Variants in KLF3 observed in about 807,000 individuals in gnomAD.
The protein encoded by KLF3 is Krueppel-like factor 3.
Under a neutral mutation model 32.7 loss-of-function variants are expected in KLF3, and 6 were observed. That is an observed-to-expected ratio of 0.18 (90% CI 0.10 to 0.36). KLF3 has a LOEUF of 0.36. KLF3 is among the 10% of genes least tolerant of loss of function. The pLI is 1.00. For missense variants in KLF3, 338 were observed against 449.7 expected, an observed-to-expected ratio of 0.75 and a Z score of 2.25; for synonymous variants, 145 against 172.8, an observed-to-expected ratio of 0.84 and a Z score of 1.26.
At chr4:38,676,353 A>G (rs1363132155) in intron 1 of KLF3, among the ~76,000 whole-genome samples, 1 of 152,188 alleles carries the variant, frequency 6.6e-6, no homozygotes, top group Non-Finnish European at 1.5e-5. Context: ...AGGCAGAAGA[A>G]TCCCTTGAAC....
At chr4:38,680,836 A>G (rs1408515457) in intron 2 of KLF3, 154 bp downstream of exon 2, 1 of 550,408 alleles carries the variant, frequency 1.8e-6, no homozygotes, top group Non-Finnish European at 3.4e-6. Context: ...GGATCACCTG[A>G]GGTCGGGAGT....
chr4:38,680,294 A>G (rs1245180893), intron 1 of KLF3, among the ~76,000 whole-genome samples: 1 of 151,822 alleles, frequency 6.6e-6, no homozygotes, highest in Non-Finnish European at 1.5e-5. Context: ...GCTCACTGCA[A>G]CCTCCGCCTC....
At chr4:38,692,716 G>A (rs1387073220) in intron 4 of KLF3, among the ~76,000 whole-genome samples, 2 of 152,022 alleles carry the variant, frequency 1.3e-5, no homozygotes, top group Admixed American at 1.3e-4. Flanking sequence ...CAACTGGAAA[G>A]GGCAGTCAGA....
intron 2 of KLF3, among the ~76,000 whole-genome samples, chr4:38,683,991 G>A (rs6838640): frequency 0.022 from 3,276 of 152,236 alleles, 117 homozygotes; most frequent in South Asian, 0.088. Flanking sequence ...CACGCACCAT[G>A]CCTTCCTGTG....
At position 38,688,793 on chromosome 4, in the gene KLF3, G is replaced by A. The variant is rs761153626; in HGVS notation, c.266G>A (p.Arg89Gln). ...PSSLKFPSSH[R>Q]RASPGLSMPS... ...TCTCTGAAGTTCCCGTCCTCACACC[G>A]GAGAGCCTCGCCTGGGTTGAGCATG... The change falls in exon 3 of 6, where the codon CGG (arginine) becomes CAG (glutamine). Residue 89 changes from arginine to glutamine, a missense_variant. Arg to Gln is a conservative substitution (Grantham distance 43). Coordinates refer to ENST00000261438, the MANE Select transcript of KLF3 (RefSeq NM_016531.6). The surrounding 1 kb of genome is among the most constrained non-coding windows in gnomAD (Gnocchi z 4.9). 3.9e-5 allele frequency: 63 copies of A among 1,614,078 alleles called. No homozygotes were observed. The highest frequency in any genetic ancestry group is 3.3e-4 in the Middle Eastern group (2 of 6,084).
chr4:38,682,482 T>C (rs1424218492), intron 2 of KLF3, among the ~76,000 whole-genome samples: 1 of 152,254 alleles, frequency 6.6e-6, no homozygotes, highest in Non-Finnish European at 1.5e-5. Flanking sequence ...CCATTAGTTA[T>C]ATTCTTGAAA....
chr4:38,666,136 A>G (rs965947400), intron 1 of KLF3, among the ~76,000 whole-genome samples: 22 of 152,222 alleles, frequency 1.4e-4, no homozygotes, highest in Non-Finnish European at 2.6e-4. Flanking sequence ...AACCTAATGT[A>G]CTATCGGTAA....
At chr4:38,686,171 G>C (rs986979669) in intron 2 of KLF3, among the ~76,000 whole-genome samples, 1 of 151,910 alleles carries the variant, frequency 6.6e-6, no homozygotes, top group Non-Finnish European at 1.5e-5. Context: ...CTGGCTGCGC[G>C]TGGTGGCTCA....
chr4:38,680,555 G>A (rs755690955), intron 1 of KLF3, 32 bp from the exon 2 acceptor site: 7 of 1,128,268 alleles, frequency 6.2e-6, no homozygotes, highest in Non-Finnish European at 6.7e-6. Flanking sequence ...GTAACCTTGA[G>A]ACTTAGATGG....
chr4:38,693,695 C>G (rs1311958621), intron 4 of KLF3, among the ~76,000 whole-genome samples: 1 of 152,006 alleles, frequency 6.6e-6, no homozygotes, highest in African/African-American at 2.4e-5. Flanking sequence ...TCTTTCATTA[C>G]AGTTAGAGGC....
intron 1 of KLF3, among the ~76,000 whole-genome samples, chr4:38,669,893 C>CAAA (rs60339860): frequency 0.02 from 829 of 41,162 alleles, 133 homozygotes; most frequent in African/African-American, 0.035. Flanking sequence ...GACTCTGTCT[C>CAAA]AAAAAAAAAA....
intron 5 of KLF3, among the ~76,000 whole-genome samples, chr4:38,696,061 C>T (rs756802246): frequency 6.6e-6 from 1 of 151,792 alleles, no homozygotes; most frequent in Non-Finnish European, 1.5e-5. Flanking sequence ...GCCCAAACAG[C>T]AGTGCAAATC....
intron 4 of KLF3, among the ~76,000 whole-genome samples, chr4:38,691,157 G>A (rs1722866373): frequency 6.6e-6 from 1 of 152,198 alleles, no homozygotes; most frequent in East Asian, 1.9e-4. Flanking sequence ...GCCTGTGGGA[G>A]TCGGAGCAAA....
Position 38,700,614 on chromosome 4 carries a change from C to G in KLF3, c.*3351C>G, listed in dbSNP as rs1723169851. On this transcript the variant is annotated 3_prime_UTR_variant, in exon 6 of 6. Transcript: ENST00000261438. ...CAATATTGTTTTACAAATACTAGCA[C>G]TTTTTTTTCTGTTATGTACTTAGTG... The G allele has an allele frequency of 6.6e-6, 1 of 152,026 alleles. No homozygotes were observed. Among genetic ancestry groups the G allele is most frequent in the African/African-American group, 2.4e-5 (1 of 41,372 alleles). The allele number at this position is 152,026 out of a possible 1,614,324, so 9.4% of individuals were successfully genotyped here. A position where few individuals can be genotyped will look rare whatever the true frequency, so the allele number is the denominator to read the frequency against.
intron 2 of KLF3, among the ~76,000 whole-genome samples, chr4:38,682,703 GA>G (rs916989195): frequency 2.6e-4 from 38 of 147,236 alleles, no homozygotes; most frequent in South Asian, 4.3e-4. Flanking sequence ...GCACTTAACC[GA>G]AAAAAAAAAT....
chr4:38,668,998 C>T (rs1045846931), intron 1 of KLF3, among the ~76,000 whole-genome samples: 2 of 152,184 alleles, frequency 1.3e-5, no homozygotes, highest in African/African-American at 2.4e-5. Flanking sequence ...GTGTCTCCAT[C>T]GCCCCTTGAG....
chr4:38,686,608 G>C (rs1416683698), intron 2 of KLF3, among the ~76,000 whole-genome samples: 1 of 152,060 alleles, frequency 6.6e-6, no homozygotes, highest in Admixed American at 6.6e-5. Context: ...ATTTTAACGA[G>C]TGCTCCAGGG....
chr4:38,666,755 A>G (rs1183709208), intron 1 of KLF3, among the ~76,000 whole-genome samples: 1 of 152,362 alleles, frequency 6.6e-6, no homozygotes, highest in Middle Eastern at 3.4e-3. Flanking sequence ...GTTACTGTAG[A>G]TGTCCCACAG....
At chr4:38,669,383 T>C (rs1722133273) in intron 1 of KLF3, among the ~76,000 whole-genome samples, 1 of 152,108 alleles carries the variant, frequency 6.6e-6, no homozygotes, top group Admixed American at 6.6e-5. Context: ...TCTTAGACCA[T>C]GTTTCTCATC....
Sources: gnomAD v4.1 joint callset for allele counts (sites outside exome capture counted in the v4.1 genomes callset) on GRCh38, gnomAD v4.1.1 for gene constraint, Gnocchi (gnomAD v3.1) non-coding constraint, MANE v1.5 for transcripts, NCBI Gene and HGNC (gene_info 2026-07-23, HGNC 2026-07-21) for gene names.